The following TAFA1 variants were observed in gnomAD, a reference collection of about 807,000 sequenced individuals.
TAFA1 encodes the protein chemokine-like protein TAFA-1.
A neutral mutation model predicts 18.5 loss-of-function variants in TAFA1; 4 were observed. That is an observed-to-expected ratio of 0.22 (90% CI 0.11 to 0.49). TAFA1 has a LOEUF of 0.49. Among genes scored for constraint, TAFA1 ranks in the 20% least tolerant of loss-of-function variants. The pLI, the probability that TAFA1 is intolerant of heterozygous loss-of-function variation, is 0.98. For missense variants in TAFA1, 147 were observed against 169.0 expected (o/e 0.87, Z 0.72); for synonymous variants, 56 against 55.2 (o/e 1.01, Z -0.06).
intron 2 of TAFA1, among the ~76,000 whole-genome samples, chr3:68,397,858 A>G (rs796445121): frequency 5.9e-5 from 9 of 152,326 alleles, no homozygotes; most frequent in African/African-American, 2.2e-4. Context: ...TTTGCTGTGC[A>G]GAAGCTCTTC....
intron 2 of TAFA1, among the ~76,000 whole-genome samples, chr3:68,235,631 GT>G (rs1233354330): frequency 6.6e-6 from 1 of 152,002 alleles, no homozygotes; most frequent in Non-Finnish European, 1.5e-5. Flanking sequence ...TTATGATCTG[GT>G]TGGTGCTTAT....
chr3:68,028,381 A>G (rs1009308611), intron 2 of TAFA1, among the ~76,000 whole-genome samples: 3 of 152,102 alleles, frequency 2.0e-5, no homozygotes, highest in Non-Finnish European at 4.4e-5. Flanking sequence ...AGCTAGCCAC[A>G]TATAAAGAAG....
intron 3 of TAFA1, among the ~76,000 whole-genome samples, chr3:68,481,942 C>A (rs1193741712): frequency 6.6e-6 from 1 of 152,194 alleles, no homozygotes; most frequent in South Asian, 2.1e-4. Context: ...GAGTAATTCT[C>A]CCAAGACACA....
intron 3 of TAFA1, among the ~76,000 whole-genome samples, chr3:68,450,070 C>A (rs907757953): frequency 2.0e-5 from 3 of 152,058 alleles, no homozygotes; most frequent in Non-Finnish European, 2.9e-5. Flanking sequence ...TTGCCATGAT[C>A]CACACAAGGA....
intron 2 of TAFA1, among the ~76,000 whole-genome samples, chr3:68,348,334 T>C (rs558229525): frequency 9.2e-5 from 14 of 152,292 alleles, no homozygotes; most frequent in African/African-American, 3.4e-4. Flanking sequence ...ATTATACTCA[T>C]TTATCACTAT....
intron 3 of TAFA1, among the ~76,000 whole-genome samples, chr3:68,520,276 A>G (rs1039971): frequency 0.79 from 119,677 of 151,654 alleles, 47,304 homozygotes; most frequent in East Asian, 0.89. Context: ...CTCGGGCTCA[A>G]GTAGAGATAG....
chr3:68,051,445 G>C (rs1679149866), intron 2 of TAFA1, among the ~76,000 whole-genome samples: 1 of 152,038 alleles, frequency 6.6e-6, no homozygotes, highest in African/African-American at 2.4e-5. Context: ...GCCACCTAGG[G>C]GATATTTGAC....
chr3:68,233,755 C>T (rs2066897299), intron 2 of TAFA1, among the ~76,000 whole-genome samples: 2 of 152,082 alleles, frequency 1.3e-5, no homozygotes, highest in East Asian at 1.9e-4. Flanking sequence ...TGCTTTTATA[C>T]TGGAACTTCC....
intron 2 of TAFA1, among the ~76,000 whole-genome samples, chr3:68,202,366 G>T (rs1479252724): frequency 1.3e-5 from 2 of 151,334 alleles, no homozygotes; most frequent in Non-Finnish European, 3.0e-5. Context: ...GTGATTGTTG[G>T]TATACTTTCA....
intron 2 of TAFA1, among the ~76,000 whole-genome samples, chr3:68,098,532 C>G (rs1402060221): frequency 4.6e-5 from 7 of 152,124 alleles, no homozygotes; most frequent in Admixed American, 4.6e-4. Context: ...TTAGTGGCCT[C>G]TGGTGATATG....
intron 2 of TAFA1, among the ~76,000 whole-genome samples, chr3:68,070,011 AG>A (rs2064732338): frequency 6.6e-6 from 1 of 152,114 alleles, no homozygotes. Context: ...GCATGGTGCA[AG>A]GTGTCAGTGG....
intron 2 of TAFA1, among the ~76,000 whole-genome samples, chr3:68,031,220 A>G (rs1223243749): frequency 6.6e-6 from 1 of 152,200 alleles, no homozygotes; most frequent in Non-Finnish European, 1.5e-5. Flanking sequence ...CATTATTATA[A>G]AAAGATAAAT....
chr3:68,214,487 A>C (rs2066631551), intron 2 of TAFA1, among the ~76,000 whole-genome samples: 2 of 151,924 alleles, frequency 1.3e-5, no homozygotes, highest in Admixed American at 6.6e-5. Context: ...TAACTCTGTG[A>C]TTTCTATTGG....
chr3:68,005,622 G>C (rs1704344256), intron 1 of TAFA1, among the ~76,000 whole-genome samples: 1 of 152,172 alleles, frequency 6.6e-6, no homozygotes, highest in Non-Finnish European at 1.5e-5. Flanking sequence ...TGATTTGACA[G>C]TGAAAAGGAA....
chr3:68,007,488 C>T (rs1027718886), intron 2 of TAFA1, among the ~76,000 whole-genome samples: 35 of 152,112 alleles, frequency 2.3e-4, no homozygotes, highest in African/African-American at 8.5e-4. Context: ...ATTACAGTCC[C>T]TCCCAGCTCG....
At chr3:68,351,263 G>C (rs771694587) in intron 2 of TAFA1, among the ~76,000 whole-genome samples, 2 of 152,120 alleles carry the variant, frequency 1.3e-5, no homozygotes, top group African/African-American at 4.8e-5. Context: ...CTTGTTGAAA[G>C]TGGAAGGTCT....
Position 68,222,626 on chromosome 3 carries a change from A to G in TAFA1, c.119-194654A>G, listed in dbSNP as rs140220376. The stretch of plus-strand genomic sequence containing the variant: ...TTTCTAATGGAGGATCATCAACCAT[A>G]CTTCTTAATATGTCTGTTTTTGGGG... On this transcript the variant is annotated intron_variant, in intron 2 of 4. Coordinates refer to ENST00000478136, the MANE Select transcript of TAFA1 (RefSeq NM_213609.4). 4.7e-3 allele frequency among the ~76,000 whole-genome samples: 721 copies of G among 152,198 alleles called. 5 individuals are homozygous for G. Among genetic ancestry groups the G allele is most frequent in the Non-Finnish European group, 8.3e-3 (562 of 67,992 alleles).
At chr3:68,291,692 CA>C (rs397963459) in intron 2 of TAFA1, among the ~76,000 whole-genome samples, 259 of 145,376 alleles carry the variant, frequency 1.8e-3, no homozygotes, top group Admixed American at 4.5e-3. Context: ...TCATTCCCCA[CA>C]AAAAAAAAAA....
chr3:68,537,398 G>A (rs1260857850), intron 3 of TAFA1, among the ~76,000 whole-genome samples: 3 of 152,156 alleles, frequency 2.0e-5, no homozygotes, highest in Admixed American at 2.0e-4. Flanking sequence ...TGGGGACTCA[G>A]TGCATGGCCC....
Sources: allele counts gnomAD v4.1 joint callset (sites outside exome capture counted in the v4.1 genomes callset), GRCh38; gene constraint gnomAD v4.1.1; transcripts MANE v1.5; gene names NCBI Gene and HGNC (gene_info 2026-07-23, HGNC 2026-07-21).